The following RPL22L1 variants were observed in gnomAD, a reference collection of about 807,000 sequenced individuals.
The protein encoded by RPL22L1 is ribosomal protein L22 like 1, also known as ribosomal protein eL22-like.
In RPL22L1, 19 loss-of-function variants were observed where a neutral mutation model predicts 17.3. That is an observed-to-expected ratio of 1.10 (90% CI 0.77 to 1.61). The LOEUF (loss-of-function observed/expected upper bound fraction) is 1.61. RPL22L1 is among the 40% of genes most tolerant of loss of function. The probability of loss-of-function intolerance (pLI) is 0.00; values close to 1 mark genes in which losing one functional copy is unlikely to be tolerated. For synonymous variants in RPL22L1, 48 were observed against 48.5 expected, an observed-to-expected ratio of 0.99 and a Z score of 0.05; for missense variants, 139 against 144.4, an observed-to-expected ratio of 0.96 and a Z score of 0.19.
rs1711708311 is a variant in RPL22L1 at position 170,865,359 on chromosome 3, G to T, written c.*1021C>A. ...ACCATCAGGCTCAGCAGTACAAAAAGGCACATCATTCTTGTCCTCCCTAAT... is the reference window on the plus strand; with the variant it reads ...ACCATCAGGCTCAGCAGTACAAAAATGCACATCATTCTTGTCCTCCCTAAT... On this transcript the variant is annotated 3_prime_UTR_variant, in exon 4 of 4. Transcript: ENST00000295830. 1 of 152,128 alleles carries T rather than the reference G, an allele frequency of 6.6e-6. No homozygotes were observed. Among genetic ancestry groups the T allele is most frequent in the Non-Finnish European group, 1.5e-5 (1 of 68,030 alleles). The allele number at this position is 152,128 out of a possible 1,614,324, so 9.4% of individuals were successfully genotyped here. A position where few individuals can be genotyped will look rare whatever the true frequency, so the allele number is the denominator to read the frequency against.
chr3:170,869,197 T>C (rs532710290), intron 1 of RPL22L1, among the ~76,000 whole-genome samples: 2 of 152,118 alleles, frequency 1.3e-5, no homozygotes, highest in South Asian at 2.1e-4. Flanking sequence ...CCATATAATA[T>C]GGCTACATAA....
Position 170,866,229 on chromosome 3 carries a change from A to G in RPL22L1, c.*151T>C. 1.7e-6 allele frequency: 1 copy of G among 586,472 alleles called. No individual in the cohort carries two copies. The highest frequency in any genetic ancestry group is 2.9e-6 in the Non-Finnish European group (1 of 347,774). 36.3% of individuals were successfully genotyped at this position (586,472 alleles called of 1,614,324 possible). A position where few individuals can be genotyped will look rare whatever the true frequency, so the allele number is the denominator to read the frequency against. ...TAGTTATCAGAGGGAAATCAAAATCATATAAACAGCATACTCAAAAAAATG... is the reference window on the plus strand; with the variant it reads ...TAGTTATCAGAGGGAAATCAAAATCGTATAAACAGCATACTCAAAAAAATG... On this transcript the variant is annotated 3_prime_UTR_variant, in exon 4 of 4. Coordinates refer to ENST00000295830, the MANE Select transcript of RPL22L1 (RefSeq NM_001099645.2).
At position 170,865,819 on chromosome 3, in the gene RPL22L1, C is replaced by T. The variant is rs1380478358; in HGVS notation, c.*561G>A. 6.6e-6 allele frequency: 1 copy of T among 152,282 alleles called. No homozygotes were observed. Among genetic ancestry groups the T allele is most frequent in the East Asian group, 1.9e-4 (1 of 5,200 alleles). 9.4% of individuals were successfully genotyped at this position (152,282 alleles called of 1,614,324 possible). A position where few individuals can be genotyped will look rare whatever the true frequency, so the allele number is the denominator to read the frequency against. On this transcript the variant is annotated 3_prime_UTR_variant, in exon 4 of 4. Transcript: ENST00000295830. The stretch of plus-strand genomic sequence containing the variant: ...AAAACAGTATTTGAGACTGTCAAGA[C>T]AATCATATACATTTTATACAGCTAT...
Position 170,867,200 on chromosome 3 carries a change from C to T in RPL22L1, c.225-676G>A, listed in dbSNP as rs944138633. On this transcript the variant is annotated intron_variant, in intron 3 of 3. Coordinates refer to ENST00000295830, the MANE Select transcript of RPL22L1 (RefSeq NM_001099645.2). ...CCAGATGTATCACCCTAGTCTTTTT[C>T]AGCCACAATAAACAATTGCTTCCCA... 3.9e-5 allele frequency among the ~76,000 whole-genome samples: 6 copies of T among 152,288 alleles called. No individual in the cohort carries two copies. The East Asian group carries it at 9.6e-4, about 24-fold the overall frequency.
At position 170,868,286 on chromosome 3, in the gene RPL22L1, A is replaced by C. The variant is rs756415331; in HGVS notation, c.102+12T>G. ...CTGATTACAAAAATAAGCCGAGTAG[A>C]ATGATACTTACAAAATTTCCAGAAT... On this transcript the variant is annotated intron_variant, in intron 2 of 3. Coordinates refer to ENST00000295830, the MANE Select transcript of RPL22L1 (RefSeq NM_001099645.2). The C allele has an allele frequency of 1.4e-5, 22 of 1,560,328 alleles. No homozygotes were observed. The highest frequency in any genetic ancestry group is 1.9e-5 in the Non-Finnish European group (22 of 1,133,344).
Position 170,865,531 on chromosome 3 carries a change from G to A in RPL22L1, c.*849C>T, listed in dbSNP as rs966720496. The A allele has an allele frequency of 2.0e-5, 3 of 152,152 alleles. No homozygotes were observed. The highest frequency in any genetic ancestry group is 4.8e-5 in the African/African-American group (2 of 41,430). The allele number at this position is 152,152 out of a possible 1,614,324, so 9.4% of individuals were successfully genotyped here. A position where few individuals can be genotyped will look rare whatever the true frequency, so the allele number is the denominator to read the frequency against. On this transcript the variant is annotated 3_prime_UTR_variant, in exon 4 of 4. Transcript: ENST00000295830. Reference sequence around the variant, plus strand: ...TAGGGGCTTTTGAGAAAGAGATGAGGATGCTCTGAGACAAGATTCCAACCG... The same window carrying A: ...TAGGGGCTTTTGAGAAAGAGATGAGAATGCTCTGAGACAAGATTCCAACCG...
Position 170,870,172 on chromosome 3 carries a change from C to T in RPL22L1, c.-5G>A, listed in dbSNP as rs768165142. Reference sequence around the variant, plus strand: ...TCGCTCACTCACCGGCGCCATCTTGCGAGTCGGCCGCGAGAGCAGAGAGGA... The same window carrying T: ...TCGCTCACTCACCGGCGCCATCTTGTGAGTCGGCCGCGAGAGCAGAGAGGA... On this transcript the variant is annotated 5_prime_UTR_variant, in exon 1 of 4. Transcript: ENST00000295830. 1 of 1,613,874 alleles carries T rather than the reference C, an allele frequency of 6.2e-7. No homozygotes were observed. Among genetic ancestry groups the T allele is most frequent in the Admixed American group, 1.7e-5 (1 of 60,008 alleles).
chr3:170,866,971 C>T (rs979128281), intron 3 of RPL22L1, among the ~76,000 whole-genome samples: 4 of 152,156 alleles, frequency 2.6e-5, no homozygotes, highest in African/African-American at 9.7e-5. Context: ...CTTGGGCTCT[C>T]TCTACATCTA....
At chr3:170,867,490 T>A (rs1488405695) in intron 3 of RPL22L1, among the ~76,000 whole-genome samples, 1 of 152,038 alleles carries the variant, frequency 6.6e-6, no homozygotes, top group Non-Finnish European at 1.5e-5. Flanking sequence ...CATTTCACTC[T>A]CTCTTCTCCA....
At chr3:170,869,688 A>C (rs1413146365) in intron 1 of RPL22L1, among the ~76,000 whole-genome samples, 1 of 151,918 alleles carries the variant, frequency 6.6e-6, no homozygotes, top group Non-Finnish European at 1.5e-5. Context: ...CTTCTTCCCC[A>C]ACTGAAAGTT....
Position 170,870,170 on chromosome 3 carries a change from T to C in RPL22L1, c.-3A>G, listed in dbSNP as rs771592478. ...CATCGCTCACTCACCGGCGCCATCT[T>C]GCGAGTCGGCCGCGAGAGCAGAGAG... On this transcript the variant is annotated 5_prime_UTR_variant, in exon 1 of 4. Transcript: ENST00000295830. 3.7e-6 allele frequency: 6 copies of C among 1,613,676 alleles called. No individual in the cohort carries two copies. In the South Asian group the frequency reaches 4.4e-5, roughly 12 times the overall value.
At chr3:170,868,415 T>G in intron 1 of RPL22L1, 25 bp from the exon 2 acceptor site, 2 of 1,396,914 alleles carry the variant, frequency 1.4e-6, no homozygotes, top group Non-Finnish European at 2.0e-6. Flanking sequence ...AATAATTATG[T>G]AGCTATATAA....
Position 170,866,306 on chromosome 3 carries a change from C to A in RPL22L1, c.*74G>T. On this transcript the variant is annotated 3_prime_UTR_variant, in exon 4 of 4. Transcript: ENST00000295830. ...TTTTATTCACTGATAAACTAAAAGCCAATTTCTTGGTATTTCTCATGTATA... is the reference window on the plus strand; with the variant it reads ...TTTTATTCACTGATAAACTAAAAGCAAATTTCTTGGTATTTCTCATGTATA... 1.5e-6 allele frequency: 2 copies of A among 1,313,426 alleles called. No homozygotes were observed. The highest frequency in any genetic ancestry group is 1.6e-5 in the South Asian group (1 of 61,292). The allele number at this position is 1,313,426 out of a possible 1,614,324, so 81.4% of individuals were successfully genotyped here.
intron 2 of RPL22L1, 78 bp downstream of exon 2, chr3:170,868,219 GT>G: frequency 6.8e-7 from 1 of 1,481,472 alleles, no homozygotes; most frequent in Non-Finnish European, 9.4e-7. Context: ...TAGAGCTTAG[GT>G]TATTATCAAA....
intron 1 of RPL22L1, among the ~76,000 whole-genome samples, chr3:170,869,387 C>T (rs1457168978): frequency 1.3e-5 from 2 of 152,254 alleles, no homozygotes; most frequent in South Asian, 2.1e-4. Context: ...ACCCAGTTGG[C>T]GCAGAAGTTA....
intron 1 of RPL22L1, among the ~76,000 whole-genome samples, chr3:170,869,778 G>T (rs1332726318): frequency 6.6e-6 from 1 of 152,008 alleles, no homozygotes; most frequent in African/African-American, 2.4e-5. Context: ...TCGTCAGACC[G>T]GCCCGATTAC....
chr3:170,869,914 A>C, intron 1 of RPL22L1: 1 of 667,346 alleles, frequency 1.5e-6, no homozygotes, highest in East Asian at 3.0e-5. Context: ...CCGCGTGTCC[A>C]AAACCACCCA....
At chr3:170,868,820 AAAAG>A (rs1166588186) in intron 1 of RPL22L1, among the ~76,000 whole-genome samples, 1 of 124,874 alleles carries the variant, frequency 8.0e-6, no homozygotes, top group Non-Finnish European at 1.7e-5. Context: ...AAAAAAAAAG[AAAAG>A]AAAAGAAAAA....
chr3:170,866,456 G>C lies in RPL22L1; in HGVS notation c.293C>G (p.Ala98Gly). 3 of 1,593,706 alleles carry C rather than the reference G, an allele frequency of 1.9e-6. No individual in the cohort carries two copies. The highest frequency in any genetic ancestry group is 1.7e-6 in the Non-Finnish European group (2 of 1,169,192). ...AAGTTCGTAGGTCTCCTTGTCAGAT[G>C]CAACCACTCGAAGCCAATCACGAAG... is the stretch of plus-strand genomic sequence containing the variant. ...NNLRDWLRVV[A>G]SDKETYELRY... Residue 98 changes from alanine (A) to glycine (G), a missense_variant, in exon 4 of 4, where the codon GCA becomes GGA. Ala to Gly is a moderately conservative substitution (Grantham distance 60). Coordinates refer to ENST00000295830, the MANE Select transcript of RPL22L1 (RefSeq NM_001099645.2).
Sources: allele counts gnomAD v4.1 joint callset (sites outside exome capture counted in the v4.1 genomes callset), GRCh38; gene constraint gnomAD v4.1.1; transcripts MANE v1.5; gene names NCBI Gene and HGNC (gene_info 2026-07-23, HGNC 2026-07-21).